Variants in HOMER1 observed in about 807,000 individuals in gnomAD.
HOMER1 encodes the protein homer protein homolog 1.
In HOMER1, 3 loss-of-function variants were observed where a neutral mutation model predicts 48.9. The observed-to-expected ratio is 0.06, with a 90% CI of 0.03 to 0.16. HOMER1 has a LOEUF of 0.16. Ranked by LOEUF, HOMER1 falls within the 10% of genes least tolerant of loss-of-function variation. The pLI, the probability that HOMER1 is intolerant of heterozygous loss-of-function variation, is 1.00. For synonymous variants in HOMER1, 134 were observed against 146.4 expected, an observed-to-expected ratio of 0.92 and a Z score of 0.61; for missense variants, 247 against 411.4, an observed-to-expected ratio of 0.60 and a Z score of 3.46.
At chr5:79,506,978 C>A (rs558666781) in intron 1 of HOMER1, among the ~76,000 whole-genome samples, 1 of 152,034 alleles carries the variant, frequency 6.6e-6, no homozygotes, top group South Asian at 2.1e-4. Context: ...CTTTGGGAGG[C>A]CGAGGCAGGC....
intron 1 of HOMER1, among the ~76,000 whole-genome samples, chr5:79,510,161 G>A (rs762403878): frequency 6.7e-6 from 1 of 149,200 alleles, no homozygotes; most frequent in East Asian, 2.0e-4. Flanking sequence ...CTATCAATGA[G>A]AAAGGGTCAT....
rs1748683328 is a variant in HOMER1 at position 79,373,372 on chromosome 5, G to T, written c.*2637C>A. The stretch of plus-strand genomic sequence containing the variant: ...TCACATATTAACTTATACACAATGG[G>T]ATCAACCTCCTCCTCCATGTCGCTT... On this transcript the variant is annotated 3_prime_UTR_variant, in exon 9 of 9. Coordinates refer to ENST00000334082, the MANE Select transcript of HOMER1 (RefSeq NM_004272.5). 6.6e-6 allele frequency: 1 copy of T among 151,302 alleles called. No individual in the cohort carries two copies. Among genetic ancestry groups the T allele is most frequent in the South Asian group, 2.1e-4 (1 of 4,796 alleles). The allele number at this position is 151,302 out of a possible 1,614,324, so 9.4% of individuals were successfully genotyped here.
At chr5:79,411,302 T>C (rs1749808993) in intron 5 of HOMER1, among the ~76,000 whole-genome samples, 5 of 152,040 alleles carry the variant, frequency 3.3e-5, no homozygotes, top group Admixed American at 2.6e-4. Context: ...CTGGGCAACA[T>C]GGTGAAACCC....
chr5:79,409,112 G>A (rs1303939887), intron 5 of HOMER1, among the ~76,000 whole-genome samples: 5 of 131,198 alleles, frequency 3.8e-5, no homozygotes, highest in Non-Finnish European at 6.2e-5. Flanking sequence ...AGAGCTCCTG[G>A]AATGCAAAGA....
intron 1 of HOMER1, among the ~76,000 whole-genome samples, chr5:79,457,952 T>C (rs1243322299): frequency 6.6e-6 from 1 of 152,188 alleles, no homozygotes; most frequent in Admixed American, 6.5e-5. Flanking sequence ...ATTTTACCCA[T>C]TTAAAACCCA....
Position 79,512,914 on chromosome 5 carries a change from C to T in HOMER1, c.-140G>A. 1.4e-6 allele frequency: 1 copy of T among 739,688 alleles called. No individual in the cohort carries two copies. The highest frequency in any genetic ancestry group is 2.4e-6 in the Non-Finnish European group (1 of 421,484). 45.8% of individuals were successfully genotyped at this position (739,688 alleles called of 1,614,324 possible). A position where few individuals can be genotyped will look rare whatever the true frequency, so the allele number is the denominator to read the frequency against. On this transcript the variant is annotated 5_prime_UTR_variant, in exon 1 of 9. Transcript: ENST00000334082. ...CTTGTCCGGAGGTATTTCAAGGATG[C>T]TGCCAATTCAATTAGTTCTCTTAGG...
At chr5:79,450,696 A>G (rs1015380790) in intron 3 of HOMER1, among the ~76,000 whole-genome samples, 1 of 152,172 alleles carries the variant, frequency 6.6e-6, no homozygotes, top group Non-Finnish European at 1.5e-5. Context: ...GAGGGTACTA[A>G]TCTCTGACAA....
intron 5 of HOMER1, among the ~76,000 whole-genome samples, chr5:79,418,916 T>C (rs1750021996): frequency 6.6e-6 from 1 of 152,226 alleles, no homozygotes; most frequent in African/African-American, 2.4e-5. Context: ...GTGACTACTT[T>C]TAAACTAGTT....
At position 79,421,882 on chromosome 5, in the gene HOMER1, C is replaced by T. The variant is rs559656885; in HGVS notation, c.527+17128G>A. On this transcript the variant is annotated intron_variant, in intron 5 of 8. Coordinates refer to ENST00000334082, the MANE Select transcript of HOMER1 (RefSeq NM_004272.5). ...CTCAGGCTCCCATAGCACTGAATTA[C>T]AGGCATGAACCATCGGGCCTGGCCA... Among the ~76,000 whole-genome samples, 3 of 152,202 alleles carry T rather than the reference C, an allele frequency of 2.0e-5. No individual in the cohort carries two copies. In the South Asian group the frequency reaches 6.2e-4, roughly 32 times the overall value.
chr5:79,505,305 T>C (rs1752717189), intron 1 of HOMER1, among the ~76,000 whole-genome samples: 1 of 151,964 alleles, frequency 6.6e-6, no homozygotes, highest in African/African-American at 2.4e-5. Flanking sequence ...AACAAACCAT[T>C]CTATGGAAAG....
chr5:79,450,008 A>G (rs537651895), intron 3 of HOMER1, among the ~76,000 whole-genome samples: 7 of 152,194 alleles, frequency 4.6e-5, no homozygotes, highest in Admixed American at 4.6e-4. Flanking sequence ...TGAATACAGA[A>G]TAATTTCTGT....
At chr5:79,377,461 G>A (rs1035307749) in intron 8 of HOMER1, among the ~76,000 whole-genome samples, 4 of 152,112 alleles carry the variant, frequency 2.6e-5, no homozygotes, top group East Asian at 1.9e-4. Context: ...TTATATATCC[G>A]TTCTGGAAAG....
chr5:79,462,673 T>C (rs1349349724), intron 1 of HOMER1, among the ~76,000 whole-genome samples: 1 of 152,204 alleles, frequency 6.6e-6, no homozygotes, highest in African/African-American at 2.4e-5. Flanking sequence ...TTCCAGGAGA[T>C]ACATAAGTTT....
intron 1 of HOMER1, among the ~76,000 whole-genome samples, chr5:79,491,438 CAA>C (rs56778843): frequency 1.4e-4 from 8 of 57,696 alleles, no homozygotes; most frequent in East Asian, 1.2e-3. Context: ...GACCTTGTCT[CAA>C]AAAAAAAAAA....
chr5:79,488,279 G>A lies in HOMER1; in HGVS notation c.5+24491C>T, dbSNP rs757879467. Among the ~76,000 whole-genome samples the A allele has an allele frequency of 1.2e-3, 188 of 152,366 alleles. 4 individuals carry two copies. The highest frequency in any genetic ancestry group is 4.1e-4 in the South Asian group (2 of 4,832). On this transcript the variant is annotated intron_variant, in intron 1 of 8. Coordinates refer to ENST00000334082, the MANE Select transcript of HOMER1 (RefSeq NM_004272.5). The stretch of plus-strand genomic sequence containing the variant: ...GCAGTGCCTTTAGCACTCTCTAGAA[G>A]AGAAGGGGTCCTGACGCAGCTAAGT...
At chr5:79,491,075 CAAAAAAAAAAAAAAAAAA>C (rs10527802) in intron 1 of HOMER1, among the ~76,000 whole-genome samples, 26 of 37,252 alleles carry the variant, frequency 7.0e-4, no homozygotes, top group Non-Finnish European at 1.7e-3. Context: ...AGTACCAAAG[CAAAAAAAAAAAAAAAAAA>C]AAAAAAAAAA....
intron 5 of HOMER1, among the ~76,000 whole-genome samples, chr5:79,408,186 G>A (rs1323873506): frequency 6.6e-6 from 1 of 152,158 alleles, no homozygotes; most frequent in Non-Finnish European, 1.5e-5. Flanking sequence ...ATCCCCTGTG[G>A]TTAAGGAGGG....
chr5:79,425,775 GA>G (rs201780408), intron 5 of HOMER1, among the ~76,000 whole-genome samples: 8 of 148,870 alleles, frequency 5.4e-5, no homozygotes, highest in African/African-American at 1.5e-4. Flanking sequence ...TAACTCTAGA[GA>G]AAAAAAAAAT....
chr5:79,401,393 T>C (rs140715868), intron 6 of HOMER1, among the ~76,000 whole-genome samples: 82 of 152,288 alleles, frequency 5.4e-4, no homozygotes, highest in African/African-American at 1.9e-3. Context: ...AAATAACTTA[T>C]CAAAGATCAT....
Sources: allele counts gnomAD v4.1 joint callset (sites outside exome capture counted in the v4.1 genomes callset), GRCh38; gene constraint gnomAD v4.1.1; transcripts MANE v1.5; gene names NCBI Gene and HGNC (gene_info 2026-07-23, HGNC 2026-07-21).